FBXO34: variants seen among roughly 807,000 people sequenced by gnomAD.
FBXO34 encodes the protein F-box protein 34, also known as F-box only protein 34.
FBXO34 carries 12 observed loss-of-function variants against 24.5 expected under a neutral mutation model. That is an observed-to-expected ratio of 0.49 (90% CI 0.31 to 0.79). FBXO34 has a LOEUF of 0.79. Among genes scored for constraint, FBXO34 ranks in the 30% least tolerant of loss-of-function variants. The probability of loss-of-function intolerance (pLI) is 0.04; values close to 1 mark genes in which losing one functional copy is unlikely to be tolerated. For missense variants in FBXO34, 823 were observed against 857.7 expected, an observed-to-expected ratio of 0.96 and a Z score of 0.51; for synonymous variants, 320 against 311.9, an observed-to-expected ratio of 1.03 and a Z score of -0.27.
intron 1 of FBXO34, among the ~76,000 whole-genome samples, chr14:55,348,617 C>T (rs1884238133): frequency 6.6e-6 from 1 of 152,068 alleles, no homozygotes; most frequent in Non-Finnish European, 1.5e-5. Flanking sequence ...GGTCCTCCCA[C>T]CTATGCCTCC....
At chr14:55,293,070 A>G (rs2040953079) in intron 1 of FBXO34, among the ~76,000 whole-genome samples, 1 of 146,062 alleles carries the variant, frequency 6.8e-6, no homozygotes, top group Non-Finnish European at 1.5e-5. Flanking sequence ...GGTAGTAGAG[A>G]CGGGGTTTCA....
chr14:55,331,759 A>ATG lies in FBXO34; in HGVS notation c.-10-18620_-10-18619dup, dbSNP rs1555338553. Among the ~76,000 whole-genome samples, 7 of 59,040 alleles carry ATG rather than the reference A, an allele frequency of 1.2e-4. 2 individuals carry two copies. Among genetic ancestry groups the ATG allele is most frequent in the Admixed American group, 3.1e-4 (2 of 6,454 alleles). The allele number at this position is 59,040 out of a possible 152,430, so 38.7% of individuals were successfully genotyped here. ...TATATATGTGTGTATATATATATAT[A>ATG]TGTATATATATATATATATACCACC... On this transcript the variant is annotated intron_variant, in intron 1 of 1. Coordinates refer to ENST00000313833, the MANE Select transcript of FBXO34 (RefSeq NM_017943.4).
chr14:55,350,160 T>TAAAA (rs60811559), intron 1 of FBXO34, among the ~76,000 whole-genome samples: 3 of 139,094 alleles, frequency 2.2e-5, no homozygotes, highest in African/African-American at 5.3e-5. Context: ...TTATTTTCTG[T>TAAAA]AAAAAAAAAA....
the FBXO34 span, among the ~76,000 whole-genome samples, chr14:55,406,995 T>C: frequency 6.6e-6 from 1 of 151,238 alleles, no homozygotes; most frequent in East Asian, 2.0e-4. Flanking sequence ...GGAGTCTAGC[T>C]CTGTTGCCCA....
At chr14:55,384,944 AT>A in the FBXO34 span, among the ~76,000 whole-genome samples, 2 of 151,744 alleles carry the variant, frequency 1.3e-5, no homozygotes, top group African/African-American at 4.9e-5. Flanking sequence ...TGGAACCTCT[AT>A]TTCTCAGATG....
chr14:55,311,049 A>G (rs1018805476), intron 1 of FBXO34, among the ~76,000 whole-genome samples: 4 of 152,230 alleles, frequency 2.6e-5, no homozygotes, highest in Non-Finnish European at 2.9e-5. Flanking sequence ...TACATATTGT[A>G]TTAGTCCACA....
the FBXO34 span, among the ~76,000 whole-genome samples, chr14:55,409,371 A>G: frequency 6.6e-6 from 1 of 152,244 alleles, no homozygotes; most frequent in Non-Finnish European, 1.5e-5. Flanking sequence ...ACAGTGTATA[A>G]AAGAGAAAAA....
chr14:55,384,729 C>A, the FBXO34 span, among the ~76,000 whole-genome samples: 1 of 152,154 alleles, frequency 6.6e-6, no homozygotes, highest in African/African-American at 2.4e-5. Context: ...GTCCAGTGAA[C>A]GTCAGTTTCC....
the FBXO34 span, among the ~76,000 whole-genome samples, chr14:55,407,089 G>T: frequency 6.6e-6 from 1 of 151,864 alleles, no homozygotes; most frequent in Non-Finnish European, 1.5e-5. Flanking sequence ...AGCTTCCCGA[G>T]TAGCTGGGTT....
At chr14:55,424,354 T>C in the FBXO34 span, 2 of 687,440 alleles carry the variant, frequency 2.9e-6, no homozygotes, top group East Asian at 5.2e-5. Flanking sequence ...AAAGCAGTTG[T>C]AAATAAGTTA....
the FBXO34 span, among the ~76,000 whole-genome samples, chr14:55,420,431 A>T: frequency 6.0e-4 from 92 of 152,350 alleles, no homozygotes; most frequent in Non-Finnish European, 1.2e-3. Context: ...TCTAAGGCTG[A>T]GGCAAAAATA....
At chr14:55,321,976 C>CA (rs1381940592) in intron 1 of FBXO34, among the ~76,000 whole-genome samples, 2 of 152,018 alleles carry the variant, frequency 1.3e-5, no homozygotes, top group Admixed American at 1.3e-4. Flanking sequence ...GAAATAGCTG[C>CA]AAAAAAATCT....
At chr14:55,370,009 CTGAGGGGA>C, downstream of FBXO34, 1 of 1,376,634 alleles carries the variant, frequency 7.3e-7, no homozygotes, top group South Asian at 1.5e-5. Context: ...AGGCCCTCAC[CTGAGGGGA>C]TGAGGGACGC....
chr14:55,291,121 C>T (rs1390772828), intron 1 of FBXO34, among the ~76,000 whole-genome samples: 1 of 152,162 alleles, frequency 6.6e-6, no homozygotes, highest in African/African-American at 2.4e-5. Context: ...GCCATCATGC[C>T]TGGCCTCAGA....
rs186178555 is a variant in FBXO34, at chr14:55,334,234, A to G, written c.-10-16147A>G. Among the ~76,000 whole-genome samples, 10 of 152,258 alleles carry G rather than the reference A, an allele frequency of 6.6e-5. No individual in the cohort carries two copies. In the East Asian group the frequency reaches 1.7e-3, roughly 26 times the overall value. ...TAATCAGGTGGAGCTGCTTAATTGC[A>G]TTAAGTTCATGGGCTGCTCAAGGGT... On this transcript the variant is annotated intron_variant, in intron 1 of 1. Transcript: ENST00000313833.
In FBXO34 at chr14:55,302,680, A is replaced by G. The variant is rs558342728; in HGVS notation, c.-11+31143A>G. Among the ~76,000 whole-genome samples, 25 of 152,160 alleles carry G rather than the reference A, an allele frequency of 1.6e-4. 2 individuals carry two copies. The Middle Eastern group carries it at 0.027, about 166-fold the overall frequency. On this transcript the variant is annotated intron_variant, in intron 1 of 1. Transcript: ENST00000313833. ...TCTCTTTAGTAGCTATTTTACTCAT[A>G]GACTCTGTGGCTAGAGTAGGCTTTA...
intron 1 of FBXO34, chr14:55,339,387 C>CT (rs964846502): frequency 6.9e-6 from 1 of 145,782 alleles, no homozygotes; most frequent in Admixed American, 6.8e-5. Flanking sequence ...TGCCCCCCCC[C>CT]CCAATCCTGG....
At chr14:55,403,796 T>C in the FBXO34 span, among the ~76,000 whole-genome samples, 5 of 152,200 alleles carry the variant, frequency 3.3e-5, no homozygotes, top group East Asian at 9.6e-4. Context: ...GGCACCTTTA[T>C]GTGGTGGGAT....
chr14:55,311,971 G>C (rs1482567876), intron 1 of FBXO34, among the ~76,000 whole-genome samples: 1 of 152,114 alleles, frequency 6.6e-6, no homozygotes, highest in Non-Finnish European at 1.5e-5. Flanking sequence ...GGAGGCTGAG[G>C]CAGGCAGATC....
Sources: allele counts gnomAD v4.1 joint callset (sites outside exome capture counted in the v4.1 genomes callset), GRCh38; gene constraint gnomAD v4.1.1; transcripts MANE v1.5; gene names NCBI Gene and HGNC (gene_info 2026-07-23, HGNC 2026-07-21).